The following BCAS3 variants were observed in gnomAD, a reference collection of about 807,000 sequenced individuals.
BCAS3 encodes the protein BCAS3 microtubule associated cell migration factor.
A neutral mutation model predicts 116.1 loss-of-function variants in BCAS3; 53 were observed. The observed-to-expected ratio is 0.46, with a 90% CI of 0.37 to 0.57. The LOEUF (loss-of-function observed/expected upper bound fraction) is 0.57, where lower values mean the gene tolerates loss of function less well. Ranked by LOEUF, BCAS3 falls within the 20% of genes least tolerant of loss-of-function variation. BCAS3 has a pLI of 0.00. For missense variants in BCAS3, 917 were observed against 1,165.4 expected (o/e 0.79, Z 3.10); for synonymous variants, 391 against 408.2 (o/e 0.96, Z 0.51).
At chr17:61,268,270 G>A (rs2049930868) in intron 22 of BCAS3, among the ~76,000 whole-genome samples, 1 of 151,956 alleles carries the variant, frequency 6.6e-6, no homozygotes, top group Non-Finnish European at 1.5e-5. Context: ...AATCTAGTTG[G>A]GAAAGTAGAA....
rs1161363719 is a variant in BCAS3, at chr17:61,337,099, C to A, written c.2426-31228C>A. ...TTGCACTCCAGCCTGGGTGACAGAG[C>A]AAGACTCCATCTCAAAAAAAAACAA... On this transcript the variant is annotated intron_variant, in intron 22 of 23. Transcript: ENST00000407086. This position sits in a 1 kb window ranked among gnomAD's most constrained non-coding sequence, Gnocchi z 4.8. 6.6e-6 allele frequency among the ~76,000 whole-genome samples: 1 copy of A among 150,618 alleles called. No individual in the cohort carries two copies. Among genetic ancestry groups the A allele is most frequent in the Non-Finnish European group, 1.5e-5 (1 of 67,854 alleles).
chr17:61,213,599 C>T lies in BCAS3; in HGVS notation c.2425+129035C>T, dbSNP rs1447354325. On this transcript the variant is annotated intron_variant, in intron 22 of 23. Coordinates refer to ENST00000407086, the MANE Select transcript of BCAS3 (RefSeq NM_017679.5). This position sits in a 1 kb window ranked among gnomAD's most constrained non-coding sequence, Gnocchi z 5.4. ...CAAATTCCTAGAATAATCTTTCCCA[C>T]TCCTTTCATTTTAGCTCTTCTCTCT... is the stretch of plus-strand genomic sequence containing the variant. Among the ~76,000 whole-genome samples, 2 of 152,210 alleles carry T rather than the reference C, an allele frequency of 1.3e-5. No homozygotes were observed. Among genetic ancestry groups the T allele is most frequent in the Admixed American group, 1.3e-4 (2 of 15,284 alleles).
In BCAS3 at chr17:61,368,802, G is replaced by A. The variant is rs549870886; in HGVS notation, c.2593+308G>A. On this transcript the variant is annotated intron_variant, in intron 23 of 23. Coordinates refer to ENST00000407086, the MANE Select transcript of BCAS3 (RefSeq NM_017679.5). This position sits in a 1 kb window ranked among gnomAD's most constrained non-coding sequence, Gnocchi z 6.0. Reference sequence around the variant, plus strand: ...GGGTGTCCCCACGTCTTCCAGCAGCGCTCAGGCACTGAGTCCTCAGGTTGT... The same window carrying A: ...GGGTGTCCCCACGTCTTCCAGCAGCACTCAGGCACTGAGTCCTCAGGTTGT... 5.5e-4 allele frequency among the ~76,000 whole-genome samples: 84 copies of A among 152,286 alleles called. 1 individual carries two copies. The highest frequency in any genetic ancestry group is 8.4e-4 in the African/African-American group (35 of 41,566).
At position 60,990,268 on chromosome 17, in the gene BCAS3, T is replaced by C; in HGVS notation, c.1486+33T>C. The stretch of plus-strand genomic sequence containing the variant: ...TCTCTGTCTCCACTGTTATCTTGAA[T>C]CTTCCTTCCCTTTGTCCTTATTTTT... On this transcript the variant is annotated intron_variant, in intron 15 of 23. Coordinates refer to ENST00000407086, the MANE Select transcript of BCAS3 (RefSeq NM_017679.5). The surrounding 1 kb of genome is among the most constrained non-coding windows in gnomAD (Gnocchi z 5.1). 6.2e-7 allele frequency: 1 copy of C among 1,602,038 alleles called. No homozygotes were observed. The highest frequency in any genetic ancestry group is 8.5e-7 in the Non-Finnish European group (1 of 1,171,242).
rs558918562 is a variant in BCAS3 at position 61,008,906 on chromosome 17, G to C, written c.1487-6845G>C. 6.6e-6 allele frequency among the ~76,000 whole-genome samples: 1 copy of C among 151,904 alleles called. No individual in the cohort carries two copies. The highest frequency in any genetic ancestry group is 1.9e-4 in the East Asian group (1 of 5,180). On this transcript the variant is annotated intron_variant, in intron 15 of 23. Transcript: ENST00000407086. This position sits in a 1 kb window ranked among gnomAD's most constrained non-coding sequence, Gnocchi z 4.6. ...AGTGCCAGAGAGTCACATTGACCTCGGGCTTCAGTGTGGCTCAGTAATCCG... is the reference window on the plus strand; with the variant it reads ...AGTGCCAGAGAGTCACATTGACCTCCGGCTTCAGTGTGGCTCAGTAATCCG...
intron 15 of BCAS3, among the ~76,000 whole-genome samples, chr17:60,998,904 A>G (rs905292789): frequency 6.6e-6 from 1 of 152,110 alleles, no homozygotes; most frequent in African/African-American, 2.4e-5. Context: ...AGTGTCCAGA[A>G]GAGTTTTTCC....
rs1275605883 is a variant in BCAS3, at chr17:61,162,462, A to G, written c.2425+77898A>G. ...AGATATAGAGAAAGGACAGGTATAT[A>G]CATCGTATTTTATTTGAAGGTATCC... On this transcript the variant is annotated intron_variant, in intron 22 of 23. Transcript: ENST00000407086. The surrounding 1 kb of genome is among the most constrained non-coding windows in gnomAD (Gnocchi z 5.6). 6.6e-6 allele frequency among the ~76,000 whole-genome samples: 1 copy of G among 152,242 alleles called. No homozygotes were observed. Among genetic ancestry groups the G allele is most frequent in the African/African-American group, 2.4e-5 (1 of 41,458 alleles).
Position 61,088,740 on chromosome 17 carries a change from A to C in BCAS3, c.2425+4176A>C, listed in dbSNP as rs967345681. Among the ~76,000 whole-genome samples, 1 of 152,232 alleles carries C rather than the reference A, an allele frequency of 6.6e-6. No homozygotes were observed. Among genetic ancestry groups the C allele is most frequent in the African/African-American group, 2.4e-5 (1 of 41,466 alleles). Reference sequence around the variant, plus strand: ...GTTTGTCCTGATTTGTGGTTTTACTATGGAGATGGATGTTTACTAACAAAG... The same window carrying C: ...GTTTGTCCTGATTTGTGGTTTTACTCTGGAGATGGATGTTTACTAACAAAG... On this transcript the variant is annotated intron_variant, in intron 22 of 23. Transcript: ENST00000407086. This position sits in a 1 kb window ranked among gnomAD's most constrained non-coding sequence, Gnocchi z 4.2.
chr17:60,761,850 C>T (rs2144355987), intron 6 of BCAS3, among the ~76,000 whole-genome samples: 1 of 143,408 alleles, frequency 7.0e-6, no homozygotes, highest in East Asian at 1.9e-4. Flanking sequence ...TATTTCTCCA[C>T]ATCCTCTCCA....
At chr17:61,061,663 A>G (rs2070055177) in intron 19 of BCAS3, among the ~76,000 whole-genome samples, 1 of 152,228 alleles carries the variant, frequency 6.6e-6, no homozygotes, top group South Asian at 2.1e-4. Context: ...TATCAAGTAT[A>G]TTTTAGAGTG....
intron 6 of BCAS3, among the ~76,000 whole-genome samples, chr17:60,758,162 T>C (rs1266840279): frequency 1.3e-5 from 2 of 152,196 alleles, no homozygotes; most frequent in Non-Finnish European, 2.9e-5. Context: ...TATAGCCTTG[T>C]AATATATTTT....
intron 21 of BCAS3, among the ~76,000 whole-genome samples, chr17:61,080,440 T>C (rs1205965121): frequency 6.6e-6 from 1 of 152,094 alleles, no homozygotes; most frequent in Non-Finnish European, 1.5e-5. Flanking sequence ...CCCTGACTGA[T>C]GTATCTTCTT....
In BCAS3 at chr17:61,163,628, TA is replaced by T. The variant is rs543169685; in HGVS notation, c.2425+79065del. On this transcript the variant is annotated intron_variant, in intron 22 of 23. Coordinates refer to ENST00000407086, the MANE Select transcript of BCAS3 (RefSeq NM_017679.5). Reference sequence around the variant, plus strand: ...TTAAAGGTTTCATTTCAGAGTCCTTTATGGAATGTAGATTAAGAAGTAGTAA... The same window carrying T: ...TTAAAGGTTTCATTTCAGAGTCCTTTTGGAATGTAGATTAAGAAGTAGTAA... Among the ~76,000 whole-genome samples, 308 of 152,206 alleles carry T rather than the reference TA, an allele frequency of 2.0e-3. 1 individual carries two copies. The highest frequency in any genetic ancestry group is 6.8e-3 in the African/African-American group (283 of 41,528).
intron 4 of BCAS3, among the ~76,000 whole-genome samples, chr17:60,703,929 G>A (rs539259850): frequency 0.059 from 8,065 of 137,390 alleles, 821 homozygotes; most frequent in African/African-American, 0.21. Context: ...AAAAAAAAAA[G>A]AAAAAAAGAA....
chr17:61,348,792 G>A lies in BCAS3; in HGVS notation c.2426-19535G>A, dbSNP rs1330495402. Among the ~76,000 whole-genome samples, 6 of 140,896 alleles carry A rather than the reference G, an allele frequency of 4.3e-5. No individual in the cohort carries two copies. The highest frequency in any genetic ancestry group is 1.0e-4 in the African/African-American group (4 of 38,266). 92.4% of individuals were successfully genotyped at this position (140,896 alleles called of 152,430 possible). ...TTTTGAAACAGAGTCTCACTCTGTC[G>A]CCGAGGCTGGAGTGCAGTGGCATGA... On this transcript the variant is annotated intron_variant, in intron 22 of 23. Transcript: ENST00000407086. This position sits in a 1 kb window ranked among gnomAD's most constrained non-coding sequence, Gnocchi z 4.5.
At chr17:60,678,863 A>G (rs2032485211) in intron 1 of BCAS3, among the ~76,000 whole-genome samples, 1 of 152,144 alleles carries the variant, frequency 6.6e-6, no homozygotes, top group African/African-American at 2.4e-5. Flanking sequence ...TATGTTAACA[A>G]CAGACCAAGG....
chr17:61,069,954 GTT>G (rs2071164694), intron 19 of BCAS3: 1 of 1,574,034 alleles, frequency 6.4e-7, no homozygotes, highest in African/African-American at 1.3e-5. Flanking sequence ...AGAAGGCAGT[GTT>G]GAAAGGTGTC....
At chr17:61,236,246 G>A (rs2083048688) in intron 22 of BCAS3, among the ~76,000 whole-genome samples, 1 of 152,160 alleles carries the variant, frequency 6.6e-6, no homozygotes, top group African/African-American at 2.4e-5. Flanking sequence ...TAGGAAAGTG[G>A]GAGGACAGGG....
intron 15 of BCAS3, among the ~76,000 whole-genome samples, chr17:60,992,245 T>C (rs1327064135): frequency 6.9e-6 from 1 of 144,088 alleles, no homozygotes; most frequent in East Asian, 2.0e-4. Flanking sequence ...GTAGGAAGCT[T>C]AAAGATAGAC....
Sources: gnomAD v4.1 joint callset for allele counts (sites outside exome capture counted in the v4.1 genomes callset) on GRCh38, gnomAD v4.1.1 for gene constraint, Gnocchi (gnomAD v3.1) non-coding constraint, MANE v1.5 for transcripts, NCBI Gene and HGNC (gene_info 2026-07-23, HGNC 2026-07-21) for gene names.